The following ARHGEF10 variants were observed in gnomAD, a reference collection of about 807,000 sequenced individuals.
ARHGEF10 encodes the protein Rho guanine nucleotide exchange factor (GEF) 10.
ARHGEF10 carries 140 observed loss-of-function variants against 147.4 expected under a neutral mutation model. The observed-to-expected ratio is 0.95, with a 90% CI of 0.83 to 1.09. The LOEUF (loss-of-function observed/expected upper bound fraction) is 1.09. Among genes scored for constraint, ARHGEF10 ranks in the 50% least tolerant of loss-of-function variants. The pLI is 0.00. For missense variants in ARHGEF10, 2,222 were observed against 1,752.7 expected (o/e 1.27, Z -4.78); for synonymous variants, 902 against 695.8 (o/e 1.30, Z -4.67).
chr8:1,829,434 G>A (rs1320118824), intron 1 of ARHGEF10, among the ~76,000 whole-genome samples: 1 of 152,250 alleles, frequency 6.6e-6, no homozygotes, highest in Admixed American at 6.5e-5. Context: ...GCTGGAGCCA[G>A]CCCCTGACCC....
At chr8:1,924,921 G>T (rs1273821294) in intron 21 of ARHGEF10, among the ~76,000 whole-genome samples, 1 of 152,166 alleles carries the variant, frequency 6.6e-6, no homozygotes, top group Non-Finnish European at 1.5e-5. Context: ...TACATCTCTG[G>T]TATTTGAATC....
At chr8:1,925,217 G>T in intron 21 of ARHGEF10, 66 bp from the exon 22 acceptor site, 1 of 1,605,978 alleles carries the variant, frequency 6.2e-7, no homozygotes, top group Non-Finnish European at 8.5e-7. Flanking sequence ...ATGACCTGTG[G>T]AGCTGCAGGT....
chr8:1,912,655 T>C (rs1423562216), intron 18 of ARHGEF10, among the ~76,000 whole-genome samples: 1 of 148,160 alleles, frequency 6.7e-6, no homozygotes, highest in Non-Finnish European at 1.5e-5. Context: ...TTTCCTCTCT[T>C]GCAGAGGCTG....
chr8:1,922,492 G>A (rs1812369706), intron 18 of ARHGEF10, among the ~76,000 whole-genome samples: 1 of 152,118 alleles, frequency 6.6e-6, no homozygotes, highest in Non-Finnish European at 1.5e-5. Flanking sequence ...AAAATGTCAG[G>A]GTCGCGAAAG....
At chr8:1,897,625 C>G (rs11784648) in intron 14 of ARHGEF10, among the ~76,000 whole-genome samples, 3,732 of 131,546 alleles carry the variant, frequency 0.028, 215 homozygotes, top group South Asian at 0.072. Flanking sequence ...TGTCCTAAGG[C>G]ATCGGATTGC....
chr8:1,929,590 C>A, intron 25 of ARHGEF10, 147 bp downstream of exon 25: 1 of 938,270 alleles, frequency 1.1e-6, no homozygotes, highest in Non-Finnish European at 1.5e-6. Flanking sequence ...TGCCCAAGGC[C>A]CGGGTGCCTT....
intron 15 of ARHGEF10, among the ~76,000 whole-genome samples, chr8:1,898,771 C>T (rs984913818): frequency 7.2e-5 from 11 of 152,016 alleles, no homozygotes; most frequent in South Asian, 2.1e-4. Context: ...GGATGGGCTG[C>T]GGGGAGGGGT....
intron 14 of ARHGEF10, among the ~76,000 whole-genome samples, 182 bp from the exon 15 acceptor site, chr8:1,898,251 C>T (rs1037045212): frequency 1.3e-5 from 2 of 152,210 alleles, no homozygotes; most frequent in African/African-American, 4.8e-5. Context: ...AAAGCGGAAG[C>T]CCCTAGAGCA....
At chr8:1,944,757 T>C (rs1023283235) in intron 26 of ARHGEF10, among the ~76,000 whole-genome samples, 2 of 152,220 alleles carry the variant, frequency 1.3e-5, no homozygotes, top group African/African-American at 4.8e-5. Flanking sequence ...GCCCTCACCC[T>C]CTGTCACCCC....
In ARHGEF10 at chr8:1,928,544, C is replaced by T. The variant is rs1388535784; in HGVS notation, c.2815C>T (p.Pro939Ser). The T allele has an allele frequency of 6.2e-7, 1 of 1,614,062 alleles. No individual in the cohort carries two copies. The highest frequency in any genetic ancestry group is 1.3e-5 in the African/African-American group (1 of 74,920). ...TCGCATCCTGTGCATGCTGTACGTT[C>T]CCGTCGAGGAGAAGCGCAGAGAGCC... ...ESRILCMLYV[P>S]VEEKRREPGA... The change falls in exon 24 of 29, where the codon CCC becomes TCC. Residue 939 changes from proline to serine, a missense_variant. By Grantham distance (74) the Pro-to-Ser change is moderately conservative. Coordinates refer to ENST00000349830, the MANE Select transcript of ARHGEF10 (RefSeq NM_014629.4).
intron 9 of ARHGEF10, among the ~76,000 whole-genome samples, chr8:1,881,183 C>T (rs532363205): frequency 6.6e-6 from 1 of 152,250 alleles, no homozygotes; most frequent in East Asian, 1.9e-4. Context: ...CTGGGCCCAG[C>T]ACGCTCGCTT....
intron 2 of ARHGEF10, among the ~76,000 whole-genome samples, chr8:1,857,062 C>G (rs561421258): frequency 4.1e-4 from 63 of 152,322 alleles, no homozygotes; most frequent in South Asian, 2.7e-3. Context: ...AGACCTGTGA[C>G]TCGCCTCCTG....
chr8:1,866,612 C>T lies in ARHGEF10; in HGVS notation c.622+10C>T, dbSNP rs1403765510. On this transcript the variant is annotated intron_variant, in intron 6 of 28. Coordinates refer to ENST00000349830, the MANE Select transcript of ARHGEF10 (RefSeq NM_014629.4). ...ACAGCCTGGATGGAGAGTAAGTTCC[C>T]CAGCTGCCCACAGCCAGAATCCTCA... 1 of 1,602,948 alleles carries T rather than the reference C, an allele frequency of 6.2e-7. No homozygotes were observed. The highest frequency in any genetic ancestry group is 8.5e-7 in the Non-Finnish European group (1 of 1,179,866).
chr8:1,889,854 A>T (rs1346939580), intron 11 of ARHGEF10, among the ~76,000 whole-genome samples: 1 of 134,134 alleles, frequency 7.5e-6, no homozygotes, highest in African/African-American at 3.1e-5. Flanking sequence ...GAGGTTTGTG[A>T]GGAGACACTG....
intron 4 of ARHGEF10, among the ~76,000 whole-genome samples, chr8:1,861,682 C>A (rs1369536783): frequency 6.6e-6 from 1 of 152,068 alleles, no homozygotes; most frequent in Non-Finnish European, 1.5e-5. Context: ...TTGGGAAACA[C>A]AGAGGTTTCA....
chr8:1,856,567 G>A (rs1805570001), intron 2 of ARHGEF10, among the ~76,000 whole-genome samples: 1 of 152,250 alleles, frequency 6.6e-6, no homozygotes, highest in South Asian at 2.1e-4. Flanking sequence ...GACTTCCCCA[G>A]GAGGCTCGGC....
chr8:1,935,012 C>T (rs11136444), intron 26 of ARHGEF10, among the ~76,000 whole-genome samples: 1 of 152,034 alleles, frequency 6.6e-6, no homozygotes, highest in East Asian at 1.9e-4. Context: ...AGGACATGAA[C>T]AGGCAGCTCA....
intron 26 of ARHGEF10, among the ~76,000 whole-genome samples, chr8:1,939,452 A>T (rs1224750705): frequency 6.6e-6 from 1 of 152,096 alleles, no homozygotes; most frequent in African/African-American, 2.4e-5. Context: ...GTGCTGTGGG[A>T]GTTTTGGGGG....
intron 27 of ARHGEF10, among the ~76,000 whole-genome samples, chr8:1,951,660 G>A (rs1815060162): frequency 6.6e-6 from 1 of 152,242 alleles, no homozygotes; most frequent in Non-Finnish European, 1.5e-5. Context: ...GAATCAAACT[G>A]TTTTTAAGTG....
Sources: gnomAD v4.1 joint callset for allele counts (sites outside exome capture counted in the v4.1 genomes callset) on GRCh38, gnomAD v4.1.1 for gene constraint, MANE v1.5 for transcripts, NCBI Gene and HGNC (gene_info 2026-07-23, HGNC 2026-07-21) for gene names.